Variants in CNBD1 observed in about 807,000 individuals in gnomAD.
CNBD1 encodes the protein cyclic nucleotide binding domain containing 1, also known as cyclic nucleotide-binding domain-containing protein 1.
Under a neutral mutation model 54.4 loss-of-function variants are expected in CNBD1, and 71 were observed. That is an observed-to-expected ratio of 1.30 (90% CI 1.08 to 1.59). The LOEUF is 1.59. Ranked by LOEUF, CNBD1 falls within the 40% of genes most tolerant of loss-of-function variation. CNBD1 has a pLI of 0.00. For synonymous variants in CNBD1, 182 were observed against 170.7 expected (o/e 1.07, Z -0.51); for missense variants, 659 against 518.0 (o/e 1.27, Z -2.64).
chr8:87,309,128 T>C (rs1330686123), intron 8 of CNBD1, among the ~76,000 whole-genome samples: 1 of 152,122 alleles, frequency 6.6e-6, no homozygotes, highest in Non-Finnish European at 1.5e-5. Flanking sequence ...TGCTGGATCA[T>C]GTGATAGTTC....
Position 87,382,605 on chromosome 8 carries a change from G to T in CNBD1, c.1304-15G>T. 6.5e-7 allele frequency: 1 copy of T among 1,536,628 alleles called. No individual in the cohort carries two copies. Among genetic ancestry groups the T allele is most frequent in the Non-Finnish European group, 8.8e-7 (1 of 1,135,320 alleles). On this transcript the variant is annotated splice_polypyrimidine_tract_variant and intron_variant, in intron 10 of 10. Transcript: ENST00000518476. Reference sequence around the variant, plus strand: ...TTATTATGTAACTTCTTGTTTGTTTGTTTGCCTTTTGCAGTGGCCTAGATC... The same window carrying T: ...TTATTATGTAACTTCTTGTTTGTTTTTTTGCCTTTTGCAGTGGCCTAGATC...
At chr8:87,425,959 G>C (rs1310452922) in intron 2 of CNBD1, among the ~76,000 whole-genome samples, 1 of 152,182 alleles carries the variant, frequency 6.6e-6, no homozygotes, top group Non-Finnish European at 1.5e-5. Context: ...TGCTGTGCTA[G>C]CAATCAGCGA....
chr8:87,283,136 G>T (rs936052704), intron 6 of CNBD1, among the ~76,000 whole-genome samples: 1 of 151,740 alleles, frequency 6.6e-6, no homozygotes, highest in African/African-American at 2.4e-5. Context: ...TTATTCCAGA[G>T]TATTTTCTTG....
At chr8:87,349,318 A>T (rs1387779859) in intron 8 of CNBD1, among the ~76,000 whole-genome samples, 2 of 152,162 alleles carry the variant, frequency 1.3e-5, no homozygotes, top group Admixed American at 6.5e-5. Flanking sequence ...TAATTGCATG[A>T]TTCTGTTTCT....
At chr8:86,982,003 G>T (rs1586178312) in intron 4 of CNBD1, among the ~76,000 whole-genome samples, 1 of 152,138 alleles carries the variant, frequency 6.6e-6, no homozygotes, top group Non-Finnish European at 1.5e-5. Context: ...TCTAACGGAG[G>T]TGTACCAAGT....
intron 6 of CNBD1, among the ~76,000 whole-genome samples, chr8:87,241,928 A>T (rs1412215166): frequency 2.0e-5 from 3 of 152,170 alleles, no homozygotes; most frequent in Non-Finnish European, 4.4e-5. Flanking sequence ...TAAATAAAAA[A>T]TAAAATTCTA....
Position 86,946,668 on chromosome 8 carries a change from T to C in CNBD1, c.431+6914T>C, listed in dbSNP as rs562846261. On this transcript the variant is annotated intron_variant, in intron 4 of 10. Transcript: ENST00000518476. ...CATGCAGTGAGACTTGAGAATCTTA[T>C]GACTCTATTGGGAATTTTTATCATG... Among the ~76,000 whole-genome samples the C allele has an allele frequency of 6.3e-4, 96 of 151,962 alleles. 1 individual carries two copies. The highest frequency in any genetic ancestry group is 3.8e-3 in the Admixed American group (58 of 15,218).
At chr8:87,190,681 G>T (rs1188365767) in intron 4 of CNBD1, among the ~76,000 whole-genome samples, 1 of 151,856 alleles carries the variant, frequency 6.6e-6, no homozygotes, top group Non-Finnish European at 1.5e-5. Context: ...TCACTTTGAA[G>T]GCCCTTAAAG....
chr8:87,069,432 A>G (rs1475149611), intron 4 of CNBD1, among the ~76,000 whole-genome samples: 1 of 152,072 alleles, frequency 6.6e-6, no homozygotes, highest in Non-Finnish European at 1.5e-5. Flanking sequence ...TAGCTACACA[A>G]ATACTTACCA....
intron 3 of CNBD1, chr8:87,428,642 T>C (rs1421262514): frequency 2.2e-6 from 1 of 449,164 alleles, no homozygotes; most frequent in Non-Finnish European, 4.4e-6. Flanking sequence ...TTATAATAAA[T>C]GTCACTCTTC....
intron 4 of CNBD1, among the ~76,000 whole-genome samples, chr8:87,128,383 C>T (rs1812043825): frequency 6.6e-6 from 1 of 152,202 alleles, no homozygotes; most frequent in Admixed American, 6.5e-5. Context: ...GCTCCGGCAC[C>T]TGCCCTCCTG....
chr8:87,382,015 T>A (rs1415217721), intron 10 of CNBD1, among the ~76,000 whole-genome samples: 1 of 151,910 alleles, frequency 6.6e-6, no homozygotes, highest in Non-Finnish European at 1.5e-5. Flanking sequence ...CTTACCATGA[T>A]AATATAACAT....
intron 3 of CNBD1, among the ~76,000 whole-genome samples, chr8:86,906,612 T>A (rs1179134737): frequency 6.6e-6 from 1 of 152,220 alleles, no homozygotes; most frequent in Non-Finnish European, 1.5e-5. Context: ...TCTATTCTAA[T>A]CTTGTTGATT....
At chr8:87,384,172 T>C (rs1046392989), downstream of CNBD1, among the ~76,000 whole-genome samples, 2 of 152,100 alleles carry the variant, frequency 1.3e-5, no homozygotes, top group Non-Finnish European at 2.9e-5. Flanking sequence ...GTTATTTCCA[T>C]GCACCATTAT....
intron 5 of CNBD1, among the ~76,000 whole-genome samples, chr8:87,226,491 G>T (rs527395540): frequency 6.8e-6 from 1 of 146,238 alleles, no homozygotes; most frequent in Admixed American, 6.8e-5. Context: ...CCTTCATTTC[G>T]TTATGTACCC....
At chr8:87,095,630 G>A (rs1282198915) in intron 4 of CNBD1, among the ~76,000 whole-genome samples, 2 of 152,156 alleles carry the variant, frequency 1.3e-5, no homozygotes, top group African/African-American at 2.4e-5. Flanking sequence ...TCAATTATTA[G>A]CATCTGAATG....
At chr8:87,414,238 T>C (rs1434726056) in intron 2 of CNBD1, among the ~76,000 whole-genome samples, 1 of 151,954 alleles carries the variant, frequency 6.6e-6, no homozygotes, top group Non-Finnish European at 1.5e-5. Flanking sequence ...TGGATGAAAC[T>C]GGAAATCATC....
intron 4 of CNBD1, among the ~76,000 whole-genome samples, chr8:86,982,352 T>C (rs927492338): frequency 1.3e-5 from 2 of 152,222 alleles, no homozygotes; most frequent in Admixed American, 1.3e-4. Flanking sequence ...CTTGTGTCTT[T>C]CAAAGAGCAA....
At chr8:86,972,183 C>T (rs1808238101) in intron 4 of CNBD1, among the ~76,000 whole-genome samples, 1 of 152,092 alleles carries the variant, frequency 6.6e-6, no homozygotes, top group African/African-American at 2.4e-5. Flanking sequence ...AACTCCTGAC[C>T]TCGTGATCCA....
Sources: allele counts gnomAD v4.1 joint callset (sites outside exome capture counted in the v4.1 genomes callset), GRCh38; gene constraint gnomAD v4.1.1; transcripts MANE v1.5; gene names NCBI Gene and HGNC (gene_info 2026-07-23, HGNC 2026-07-21).